The following SPTBN1 variants were observed in gnomAD, a reference collection of about 807,000 sequenced individuals.
The protein encoded by SPTBN1 is spectrin beta, non-erythrocytic 1, also known as spectrin beta chain, non-erythrocytic 1.
In SPTBN1, 32 loss-of-function variants were observed where a neutral mutation model predicts 266.4. The observed-to-expected ratio is 0.12, with a 90% confidence interval of 0.09 to 0.16. SPTBN1 has a LOEUF of 0.16. Ranked by LOEUF, SPTBN1 falls within the 10% of genes least tolerant of loss-of-function variation. The probability of loss-of-function intolerance (pLI) is 1.00; values close to 1 mark genes in which losing one functional copy is unlikely to be tolerated. For missense variants in SPTBN1, 2,296 were observed against 3,067.1 expected (o/e 0.75, Z 5.94); for synonymous variants, 1,336 against 1,162.2 (o/e 1.15, Z -3.04).
Position 54,628,958 on chromosome 2 carries a change from G to A in SPTBN1, c.1824G>A (p.Val608=). The change falls in exon 14 of 36, where the codon GTG becomes GTA. Residue 608 remains valine (V), a synonymous_variant. Coordinates refer to ENST00000356805, the MANE Select transcript of SPTBN1 (RefSeq NM_003128.3). This position sits in a 1 kb window ranked among gnomAD's most constrained non-coding sequence, Gnocchi z 4.3. The part of the protein sequence containing the change: ...GEGYKPCDPQ[V]IRDRVAHMEF... ...GTTACAAGCCCTGTGACCCCCAGGT[G>A]ATCCGAGACCGCGTGGCCCACATGG... is the stretch of plus-strand genomic sequence containing the variant. The A allele has an allele frequency of 1.2e-6, 2 of 1,608,384 alleles. No homozygotes were observed. The highest frequency in any genetic ancestry group is 1.7e-5 in the Admixed American group (1 of 59,328).
At chr2:54,563,704 A>C (rs921136209) in intron 2 of SPTBN1, among the ~76,000 whole-genome samples, 1 of 143,658 alleles carries the variant, frequency 7.0e-6, no homozygotes, top group South Asian at 2.2e-4. Flanking sequence ...TCCGGGTTCA[A>C]GCGATTCTCC....
At chr2:54,593,671 G>A (rs1006148566) in intron 2 of SPTBN1, among the ~76,000 whole-genome samples, 2 of 151,940 alleles carry the variant, frequency 1.3e-5, no homozygotes, top group African/African-American at 2.4e-5. Context: ...AAGCCATAGT[G>A]GGCCACAGAG....
At chr2:54,654,871 C>T (rs1680545882) in intron 27 of SPTBN1, among the ~76,000 whole-genome samples, 199 bp from the exon 28 acceptor site, 1 of 152,222 alleles carries the variant, frequency 6.6e-6, no homozygotes, top group Admixed American at 6.5e-5. Flanking sequence ...GTTTGGTTAC[C>T]TGGCTGGTAC....
intron 2 of SPTBN1, among the ~76,000 whole-genome samples, chr2:54,559,188 T>C (rs1313507386): frequency 6.6e-6 from 1 of 152,202 alleles, no homozygotes; most frequent in East Asian, 1.9e-4. Flanking sequence ...TCAGTGCTCA[T>C]AGACTTATTA....
At chr2:54,543,006 G>T (rs1157304336) in intron 2 of SPTBN1, among the ~76,000 whole-genome samples, 1 of 152,168 alleles carries the variant, frequency 6.6e-6, no homozygotes, top group African/African-American at 2.4e-5. Context: ...GGGCCCTGAG[G>T]CTCTCTCAGT....
chr2:54,649,608 G>A lies in SPTBN1; in HGVS notation c.5203-7G>A, dbSNP rs774590633. 8 of 1,602,980 alleles carry A rather than the reference G, an allele frequency of 5.0e-6. No homozygotes were observed. Among genetic ancestry groups the A allele is most frequent in the Admixed American group, 1.7e-5 (1 of 59,848 alleles). On this transcript the variant is annotated splice_region_variant and splice_polypyrimidine_tract_variant and intron_variant, in intron 25 of 35. Transcript: ENST00000356805. The surrounding 1 kb of genome is among the most constrained non-coding windows in gnomAD (Gnocchi z 6.7). ...CTCTCTGATTTCCTTACCCATCCCC[G>A]TTTCAGATGTTACAAGAACGATTCC... is the stretch of plus-strand genomic sequence containing the variant.
intron 18 of SPTBN1, among the ~76,000 whole-genome samples, chr2:54,642,538 T>TG (rs1200529353): frequency 2.0e-5 from 3 of 151,800 alleles, no homozygotes; most frequent in Non-Finnish European, 2.9e-5. Flanking sequence ...AGTTTTTTTT[T>TG]TTTTTTTTTA....
intron 27 of SPTBN1, among the ~76,000 whole-genome samples, chr2:54,654,194 A>G (rs1200660760): frequency 5.3e-5 from 8 of 152,294 alleles, no homozygotes; most frequent in African/African-American, 1.2e-4. Flanking sequence ...GGACATGACT[A>G]ACTGCCCCGT....
intron 2 of SPTBN1, among the ~76,000 whole-genome samples, chr2:54,550,434 A>G (rs1212695788): frequency 6.6e-6 from 1 of 152,198 alleles, no homozygotes; most frequent in Non-Finnish European, 1.5e-5. Flanking sequence ...ATGTTGTTCC[A>G]TATCTCTGCA....
Position 54,670,481 on chromosome 2 carries a change from G to A in SPTBN1, c.*1912G>A. On this transcript the variant is annotated 3_prime_UTR_variant, in exon 36 of 36. Coordinates refer to ENST00000356805, the MANE Select transcript of SPTBN1 (RefSeq NM_003128.3). The stretch of plus-strand genomic sequence containing the variant: ...TTTCTCTTAACTCTCTTACCTCTAG[G>A]CAAACTGAGACCTCACCATCCTCTC... The A allele has an allele frequency of 2.6e-6, 1 of 388,618 alleles. No homozygotes were observed. The highest frequency in any genetic ancestry group is 4.5e-6 in the Non-Finnish European group (1 of 220,280). 24.1% of individuals were successfully genotyped at this position (388,618 alleles called of 1,614,324 possible).
intron 2 of SPTBN1, among the ~76,000 whole-genome samples, chr2:54,596,688 T>C (rs1238394703): frequency 6.6e-6 from 1 of 152,186 alleles, no homozygotes; most frequent in Non-Finnish European, 1.5e-5. Flanking sequence ...TTTTTATTTT[T>C]GACATCTCTT....
chr2:54,532,384 T>C (rs945111599), intron 2 of SPTBN1, among the ~76,000 whole-genome samples: 2 of 152,246 alleles, frequency 1.3e-5, no homozygotes, highest in Non-Finnish European at 2.9e-5. Context: ...CCAAAATATA[T>C]TAACATGCAA....
chr2:54,609,591 A>T (rs563237965), intron 3 of SPTBN1, among the ~76,000 whole-genome samples: 1 of 152,176 alleles, frequency 6.6e-6, no homozygotes, highest in African/African-American at 2.4e-5. Context: ...TTGTGTAGTA[A>T]TGAGCGTTAC....
intron 1 of SPTBN1, among the ~76,000 whole-genome samples, chr2:54,499,242 CTTAT>C (rs1669129363): frequency 1.3e-5 from 2 of 152,074 alleles, no homozygotes; most frequent in Admixed American, 6.5e-5. Flanking sequence ...TTTTTTTCTC[CTTAT>C]TTAAGGAAAA....
rs188060677 is a variant in SPTBN1 at position 54,528,259 on chromosome 2, T to G, written c.148+1693T>G. 21 of 152,752 alleles carry G rather than the reference T, an allele frequency of 1.4e-4. No homozygotes were observed. In the East Asian group the frequency reaches 3.7e-3, roughly 27 times the overall value. 9.5% of individuals were successfully genotyped at this position (152,752 alleles called of 1,614,324 possible). On this transcript the variant is annotated intron_variant, in intron 2 of 35. Transcript: ENST00000356805. The stretch of plus-strand genomic sequence containing the variant: ...ATGGCCAGTTACCTTTGATCTTGAG[T>G]CTTACTTTCTGATTCCAGGCTATGT...
intron 1 of SPTBN1, among the ~76,000 whole-genome samples, chr2:54,523,306 A>G (rs1670598642): frequency 6.6e-6 from 1 of 152,202 alleles, no homozygotes; most frequent in African/African-American, 2.4e-5. Flanking sequence ...CTTAATTGAG[A>G]TTGAGTATGT....
Position 54,671,155 on chromosome 2 carries a change from C to A in SPTBN1, c.*2586C>A, listed in dbSNP as rs1681670113. 1 of 192,054 alleles carries A rather than the reference C, an allele frequency of 5.2e-6. No homozygotes were observed. The highest frequency in any genetic ancestry group is 2.3e-5 in the African/African-American group (1 of 43,148). The allele number at this position is 192,054 out of a possible 1,614,324, so 11.9% of individuals were successfully genotyped here. ...AATGGCGTTGTCACTTGAATCAAGGCCACTTTTTGTCCTACTTGAGCATCT... is the reference window on the plus strand; with the variant it reads ...AATGGCGTTGTCACTTGAATCAAGGACACTTTTTGTCCTACTTGAGCATCT... On this transcript the variant is annotated 3_prime_UTR_variant, in exon 36 of 36. Coordinates refer to ENST00000356805, the MANE Select transcript of SPTBN1 (RefSeq NM_003128.3).
rs774938096 is a variant in SPTBN1, at chr2:54,558,912, C to G, written c.148+32346C>G. On this transcript the variant is annotated intron_variant, in intron 2 of 35. Coordinates refer to ENST00000356805, the MANE Select transcript of SPTBN1 (RefSeq NM_003128.3). The surrounding 1 kb of genome is among the most constrained non-coding windows in gnomAD (Gnocchi z 4.6). Reference sequence around the variant, plus strand: ...GGTAAGCCCCCTCCCAAAGGCCGGGCCTGTCCTGGGTGCCAACGGGGGTTC... The same window carrying G: ...GGTAAGCCCCCTCCCAAAGGCCGGGGCTGTCCTGGGTGCCAACGGGGGTTC... 74 of 1,608,874 alleles carry G rather than the reference C, an allele frequency of 4.6e-5. No individual in the cohort carries two copies. The highest frequency in any genetic ancestry group is 6.2e-5 in the Non-Finnish European group (73 of 1,177,376).
intron 1 of SPTBN1, among the ~76,000 whole-genome samples, chr2:54,456,753 A>T (rs1693053157): frequency 6.7e-6 from 1 of 149,754 alleles, no homozygotes; most frequent in Non-Finnish European, 1.5e-5. Flanking sequence ...ATGATGCGGG[A>T]CGAGGGGCGG....
Sources: allele counts gnomAD v4.1 joint callset (sites outside exome capture counted in the v4.1 genomes callset), GRCh38; gene constraint gnomAD v4.1.1; non-coding constraint Gnocchi (gnomAD v3.1); transcripts MANE v1.5; gene names NCBI Gene and HGNC (gene_info 2026-07-23, HGNC 2026-07-21).